LRGUK: variants seen among roughly 807,000 people sequenced by gnomAD.
LRGUK encodes leucine-rich repeat and guanylate kinase domain-containing protein.
Under a neutral mutation model 76.0 loss-of-function variants are expected in LRGUK, and 65 were observed. That is an observed-to-expected ratio of 0.85 (90% CI 0.70 to 1.05). LRGUK has a LOEUF of 1.05. Ranked by LOEUF, LRGUK falls within the 50% of genes least tolerant of loss-of-function variation. The pLI, the probability that LRGUK is intolerant of heterozygous loss-of-function variation, is 0.00. For missense variants in LRGUK, 758 were observed against 732.8 expected, an observed-to-expected ratio of 1.03 and a Z score of -0.40; for synonymous variants, 268 against 265.6, an observed-to-expected ratio of 1.01 and a Z score of -0.09.
At chr7:134,237,050 C>CTTTTTTTTTTTTTTTTTTTTT (rs10555261) in intron 16 of LRGUK, among the ~76,000 whole-genome samples, 1 of 75,170 alleles carries the variant, frequency 1.3e-5, no homozygotes, top group African/African-American at 4.2e-5. Flanking sequence ...TTTTCTCTTT[C>CTTTTTTTTTTTTTTTTTTTTT]TTTTTTTTTT....
chr7:134,241,730 A>C (rs2117194091), intron 16 of LRGUK, among the ~76,000 whole-genome samples: 1 of 152,318 alleles, frequency 6.6e-6, no homozygotes, highest in African/African-American at 2.4e-5. Flanking sequence ...AGAACTCTCC[A>C]CCCCAAATCA....
rs139134123 is a variant in LRGUK, at chr7:134,128,783, C to T, written c.297+1119C>T. ...TCAGGATGGTCTTCGATCTCCTGAC[C>T]TCGCCATCCGCCCACCTCTGCCTCC... On this transcript the variant is annotated intron_variant, in intron 1 of 15. Transcript: ENST00000645682. 7.7e-3 allele frequency among the ~76,000 whole-genome samples: 1,167 copies of T among 152,288 alleles called. 39 individuals carry two copies. Among genetic ancestry groups the T allele is most frequent in the Non-Finnish European group, 5.5e-3 (372 of 68,014 alleles).
chr7:134,184,378 TC>T (rs1799894324), intron 11 of LRGUK, among the ~76,000 whole-genome samples: 1 of 151,818 alleles, frequency 6.6e-6, no homozygotes, highest in African/African-American at 2.4e-5. Flanking sequence ...CATACCATTC[TC>T]CTGCCTCAGC....
chr7:134,170,142 G>C (rs1314378812), intron 7 of LRGUK, among the ~76,000 whole-genome samples: 1 of 151,866 alleles, frequency 6.6e-6, no homozygotes, highest in Admixed American at 6.6e-5. Context: ...TAGACACTTA[G>C]TTTTCTTTTT....
At chr7:134,204,540 GT>G (rs1800923089) in intron 15 of LRGUK, among the ~76,000 whole-genome samples, 2 of 152,164 alleles carry the variant, frequency 1.3e-5, no homozygotes, top group African/African-American at 2.4e-5. Flanking sequence ...AGGCCCCTTT[GT>G]TTTTTTGGCA....
Position 134,173,976 on chromosome 7 carries a change from G to T in LRGUK, c.940-580G>T, listed in dbSNP as rs188289552. Among the ~76,000 whole-genome samples the T allele has an allele frequency of 2.2e-4, 34 of 152,190 alleles. No homozygotes were observed. The East Asian group carries it at 2.7e-3, about 12-fold the overall frequency. On this transcript the variant is annotated intron_variant, in intron 7 of 15. Coordinates refer to ENST00000645682, the Ensembl canonical transcript of LRGUK. Reference sequence around the variant, plus strand: ...ATGCAAAAATTATTTAGGCATGGTGGTGTGTGCCTGTAATCTCAGCTACTC... The same window carrying T: ...ATGCAAAAATTATTTAGGCATGGTGTTGTGTGCCTGTAATCTCAGCTACTC...
chr7:134,275,838 ATATT>A, the LRGUK span, among the ~76,000 whole-genome samples: 1 of 152,240 alleles, frequency 6.6e-6, no homozygotes, highest in Non-Finnish European at 1.5e-5. Flanking sequence ...ATATTTGAGA[ATATT>A]TAGTAGTAAA....
chr7:134,200,825 A>G (rs1800737399), intron 14 of LRGUK, among the ~76,000 whole-genome samples: 1 of 152,200 alleles, frequency 6.6e-6, no homozygotes, highest in African/African-American at 2.4e-5. Context: ...TTCGTAGATT[A>G]GAAGTCTGGT....
At chr7:134,142,826 A>T (rs17167491) in intron 3 of LRGUK, among the ~76,000 whole-genome samples, 4 of 152,198 alleles carry the variant, frequency 2.6e-5, no homozygotes, top group Non-Finnish European at 4.4e-5. Flanking sequence ...TAGGGCATAC[A>T]AGGATTGGCC....
intron 2 of LRGUK, among the ~76,000 whole-genome samples, chr7:134,138,529 C>T (rs897300260): frequency 1.3e-5 from 2 of 152,098 alleles, no homozygotes; most frequent in African/African-American, 2.4e-5. Flanking sequence ...AGCTCTCTTC[C>T]ATCATTGCAT....
intron 7 of LRGUK, among the ~76,000 whole-genome samples, chr7:134,171,826 G>T (rs1256487578): frequency 6.6e-6 from 1 of 152,160 alleles, no homozygotes; most frequent in Non-Finnish European, 1.5e-5. Flanking sequence ...CTGGGTTTGT[G>T]GCCTTTGCAG....
chr7:134,179,978 G>C (rs1172078672), intron 10 of LRGUK, among the ~76,000 whole-genome samples: 1 of 152,162 alleles, frequency 6.6e-6, no homozygotes, highest in Non-Finnish European at 1.5e-5. Context: ...GGGAATCACT[G>C]TCCCCTCTCC....
intron 7 of LRGUK, among the ~76,000 whole-genome samples, chr7:134,171,399 A>G (rs1372065016): frequency 6.6e-6 from 1 of 151,608 alleles, no homozygotes; most frequent in Non-Finnish European, 1.5e-5. Context: ...AAATATATAT[A>G]TGTGTGTATA....
At chr7:134,223,630 T>A (rs1032771303) in intron 16 of LRGUK, among the ~76,000 whole-genome samples, 2 of 152,148 alleles carry the variant, frequency 1.3e-5, no homozygotes, top group African/African-American at 4.8e-5. Flanking sequence ...TCCCGAGAGT[T>A]ACACAATCCT....
intron 7 of LRGUK, among the ~76,000 whole-genome samples, chr7:134,172,189 T>G (rs1002657563): frequency 2.0e-5 from 3 of 152,234 alleles, no homozygotes; most frequent in Admixed American, 6.5e-5. Flanking sequence ...GAGCATGTAG[T>G]GTTCCTACTA....
intron 15 of LRGUK, among the ~76,000 whole-genome samples, chr7:134,202,119 G>A (rs1759689342): frequency 6.6e-6 from 1 of 152,056 alleles, no homozygotes; most frequent in African/African-American, 2.4e-5. Context: ...TGGACCTAAT[G>A]CTCCTTATCT....
intron 5 of LRGUK, among the ~76,000 whole-genome samples, chr7:134,153,026 T>C (rs184046281): frequency 2.3e-3 from 344 of 152,224 alleles, no homozygotes; most frequent in African/African-American, 7.1e-3. Flanking sequence ...ATTTAAGTTG[T>C]TAATTTTCTG....
intron 18 of LRGUK, among the ~76,000 whole-genome samples, chr7:134,252,526 T>C (rs1802476999): frequency 6.6e-6 from 1 of 152,108 alleles, no homozygotes; most frequent in African/African-American, 2.4e-5. Context: ...AACAAGTAAC[T>C]GACACTTCTA....
At chr7:134,172,968 CA>C (rs1389597569) in intron 7 of LRGUK, among the ~76,000 whole-genome samples, 1 of 151,508 alleles carries the variant, frequency 6.6e-6, no homozygotes, top group Non-Finnish European at 1.5e-5. Context: ...GCATGGGTGA[CA>C]GAGCAAGAAC....
Sources: allele counts gnomAD v4.1 joint callset (sites outside exome capture counted in the v4.1 genomes callset), GRCh38; gene constraint gnomAD v4.1.1; transcripts MANE v1.5; gene names NCBI Gene and HGNC (gene_info 2026-07-23, HGNC 2026-07-21).